The following LINGO2 variants were observed in gnomAD, a reference collection of about 807,000 sequenced individuals.
LINGO2 encodes leucine rich repeat and Ig domain containing 2.
Under a neutral mutation model 30.6 loss-of-function variants are expected in LINGO2, and 14 were observed. The ratio of observed to expected loss-of-function variants is 0.46; its 90% CI spans 0.30 to 0.72. LINGO2 has a LOEUF of 0.72. LINGO2 is among the 30% of genes least tolerant of loss of function. The pLI is 0.07. For missense variants in LINGO2, 729 were observed against 751.7 expected, an observed-to-expected ratio of 0.97 and a Z score of 0.35; for synonymous variants, 317 against 288.5, an observed-to-expected ratio of 1.10 and a Z score of -1.00.
intron 3 of LINGO2, among the ~76,000 whole-genome samples, chr9:28,365,071 T>C (rs1383974513): frequency 6.6e-6 from 1 of 152,118 alleles, no homozygotes; most frequent in African/African-American, 2.4e-5. Context: ...ATGAGCAAAA[T>C]GTCTTGGGAG....
chr9:28,280,803 GT>G (rs1823294832), intron 4 of LINGO2, among the ~76,000 whole-genome samples: 1 of 152,118 alleles, frequency 6.6e-6, no homozygotes, highest in Non-Finnish European at 1.5e-5. Context: ...AGCTTCGTAA[GT>G]GCAATGTACC....
chr9:28,188,491 G>A (rs35865068), intron 4 of LINGO2, among the ~76,000 whole-genome samples: 41,551 of 151,752 alleles, frequency 0.27, 5,774 homozygotes, highest in South Asian at 0.35. Flanking sequence ...ATGGGAAGAC[G>A]CCTGAGATGA....
the LINGO2 span, among the ~76,000 whole-genome samples, chr9:28,771,014 C>T: frequency 1.8e-3 from 270 of 152,286 alleles, 3 homozygotes; most frequent in East Asian, 0.044. Flanking sequence ...GCCAAGTGCT[C>T]AAGGCCATTT....
chr9:29,023,462 A>G, the LINGO2 span, among the ~76,000 whole-genome samples: 1 of 152,120 alleles, frequency 6.6e-6, no homozygotes, highest in African/African-American at 2.4e-5. Flanking sequence ...ATAAATATAA[A>G]TGAATGCTGT....
At chr9:29,210,903 C>G in the LINGO2 span, among the ~76,000 whole-genome samples, 2 of 152,016 alleles carry the variant, frequency 1.3e-5, no homozygotes, top group Non-Finnish European at 2.9e-5. Context: ...TTGGGAGTAA[C>G]GCATGCTACT....
chr9:29,046,575 C>T, the LINGO2 span, among the ~76,000 whole-genome samples: 1 of 152,106 alleles, frequency 6.6e-6, no homozygotes, highest in African/African-American at 2.4e-5. Context: ...CTTTCTTACA[C>T]CAAACACAAA....
At chr9:28,010,763 G>A (rs1368129396) in intron 5 of LINGO2, among the ~76,000 whole-genome samples, 1 of 152,136 alleles carries the variant, frequency 6.6e-6, no homozygotes, top group African/African-American at 2.4e-5. Flanking sequence ...GAACAGCCTG[G>A]AGAATATTGT....
chr9:28,878,565 T>C, the LINGO2 span, among the ~76,000 whole-genome samples: 9 of 152,314 alleles, frequency 5.9e-5, no homozygotes, highest in South Asian at 1.7e-3. Flanking sequence ...ATATCCTTGA[T>C]GATCATTGAT....
At chr9:29,117,807 G>A in the LINGO2 span, among the ~76,000 whole-genome samples, 2 of 152,188 alleles carry the variant, frequency 1.3e-5, no homozygotes, top group African/African-American at 2.4e-5. Flanking sequence ...GATTCTTGCA[G>A]TCCCAATGTA....
chr9:28,989,428 A>T, the LINGO2 span, among the ~76,000 whole-genome samples: 1 of 152,232 alleles, frequency 6.6e-6, no homozygotes, highest in Non-Finnish European at 1.5e-5. Context: ...TTCACTGCAG[A>T]ACTGCTTCTG....
rs1819851131 is a variant in LINGO2 at position 28,350,963 on chromosome 9, C to A, written c.-246+21873G>T. Among the ~76,000 whole-genome samples, 8 of 151,888 alleles carry A rather than the reference C, an allele frequency of 5.3e-5. No individual in the cohort carries two copies. The South Asian group carries it at 1.7e-3, about 32-fold the overall frequency. ...TCTTTGAAACCAACGAGAACAAAGA[C>A]ACAACATACCAGAATCTCTGGGATG... On this transcript the variant is annotated intron_variant, in intron 3 of 5. Transcript: ENST00000379992.
At chr9:29,161,988 C>T in the LINGO2 span, among the ~76,000 whole-genome samples, 1 of 151,164 alleles carries the variant, frequency 6.6e-6, no homozygotes, top group African/African-American at 2.4e-5. Flanking sequence ...GGCACAATCT[C>T]GGCTTACTAC....
intron 4 of LINGO2, among the ~76,000 whole-genome samples, chr9:28,033,801 A>AC: frequency 6.6e-6 from 1 of 152,336 alleles, no homozygotes; most frequent in East Asian, 1.9e-4. Flanking sequence ...GATGTAGCTG[A>AC]CTTCAGTGAG....
intron 4 of LINGO2, among the ~76,000 whole-genome samples, chr9:28,247,596 T>C (rs1160438976): frequency 2.0e-5 from 3 of 151,958 alleles, no homozygotes; most frequent in Non-Finnish European, 4.4e-5. Context: ...CTGGGGCCTG[T>C]AGGGAAGGGA....
intron 4 of LINGO2, among the ~76,000 whole-genome samples, chr9:28,072,368 C>T (rs1172677949): frequency 6.6e-6 from 1 of 152,214 alleles, no homozygotes; most frequent in Non-Finnish European, 1.5e-5. Flanking sequence ...GCAGAGTTTG[C>T]TCTTGTTTGT....
the LINGO2 span, among the ~76,000 whole-genome samples, chr9:28,965,335 C>T: frequency 6.6e-6 from 1 of 151,938 alleles, no homozygotes; most frequent in Non-Finnish European, 1.5e-5. Context: ...TCTCTCTTGA[C>T]CCCTTCCTTT....
At chr9:28,200,320 A>T (rs941089752) in intron 4 of LINGO2, among the ~76,000 whole-genome samples, 1 of 152,116 alleles carries the variant, frequency 6.6e-6, no homozygotes, top group Non-Finnish European at 1.5e-5. Flanking sequence ...ACTTCCTTCC[A>T]GTTTTATCAT....
At chr9:28,055,222 G>A (rs1170353648) in intron 4 of LINGO2, among the ~76,000 whole-genome samples, 1 of 152,114 alleles carries the variant, frequency 6.6e-6, no homozygotes, top group Non-Finnish European at 1.5e-5. Flanking sequence ...TTATGAACGT[G>A]AAAATAACTT....
the LINGO2 span, among the ~76,000 whole-genome samples, chr9:28,871,607 A>G: frequency 6.6e-6 from 1 of 152,004 alleles, no homozygotes; most frequent in African/African-American, 2.4e-5. Context: ...CAGCTATACT[A>G]TAGTGTAACC....
Sources: gnomAD v4.1 joint callset for allele counts (sites outside exome capture counted in the v4.1 genomes callset) on GRCh38, gnomAD v4.1.1 for gene constraint, MANE v1.5 for transcripts, NCBI Gene and HGNC (gene_info 2026-07-23, HGNC 2026-07-21) for gene names.